Variants in ZNG1A observed in about 807,000 individuals in gnomAD.
ZNG1A encodes the protein zinc-regulated GTPase metalloprotein activator 1A.
the ZNG1A span, chr9:149,186 C>T: frequency 6.6e-6 from 1 of 151,746 alleles, no homozygotes; most frequent in African/African-American, 2.4e-5. Flanking sequence ...AGATTAGCCT[C>T]ACATTGAATC....
the ZNG1A span, among the ~76,000 whole-genome samples, chr9:155,358 G>C: frequency 6.6e-6 from 1 of 151,240 alleles, no homozygotes; most frequent in East Asian, 1.9e-4. Flanking sequence ...AGGCTGAGGA[G>C]GGAGGATCCC....
chr9:177,568 G>A, the ZNG1A span, among the ~76,000 whole-genome samples: 4 of 152,134 alleles, frequency 2.6e-5, no homozygotes, highest in Non-Finnish European at 5.9e-5. Context: ...AAAATCAGAA[G>A]AAAAATGTAG....
At chr9:138,743 T>A in the ZNG1A span, among the ~76,000 whole-genome samples, 2 of 129,972 alleles carry the variant, frequency 1.5e-5, no homozygotes, top group East Asian at 2.1e-4. Flanking sequence ...TACAGAAAAT[T>A]AAAAAAAAAA....
the ZNG1A span, among the ~76,000 whole-genome samples, chr9:144,707 A>C: frequency 4.6e-5 from 7 of 151,914 alleles, no homozygotes; most frequent in Non-Finnish European, 7.4e-5. Flanking sequence ...GGATCTAATT[A>C]AACTAAACAG....
the ZNG1A span, among the ~76,000 whole-genome samples, chr9:128,082 T>C: frequency 2.0e-5 from 3 of 152,150 alleles, no homozygotes; most frequent in East Asian, 3.9e-4. Flanking sequence ...AGTTTTCCTT[T>C]ACAGGTTACC....
chr9:162,491 A>T, the ZNG1A span: 1 of 1,556,856 alleles, frequency 6.4e-7, no homozygotes, highest in Non-Finnish European at 8.7e-7. Flanking sequence ...AAAACATTTT[A>T]ATCACTTTTT....
chr9:154,600 G>A, the ZNG1A span: 402 of 763,760 alleles, frequency 5.3e-4, 4 homozygotes, highest in South Asian at 6.1e-3. Context: ...CGTTCTTGAA[G>A]CAGCTCAACC....
the ZNG1A span, chr9:172,373 G>C: frequency 5.4e-6 from 3 of 552,688 alleles, no homozygotes; most frequent in Non-Finnish European, 9.6e-6. Context: ...TATATAATAG[G>C]TAAAAAGAAA....
chr9:177,339 G>A, the ZNG1A span, among the ~76,000 whole-genome samples: 6 of 151,744 alleles, frequency 4.0e-5, no homozygotes, highest in Middle Eastern at 3.4e-3. Context: ...TAAATTAAAG[G>A]GCAGCAAGAC....
chr9:171,870 T>C, the ZNG1A span: 2 of 625,640 alleles, frequency 3.2e-6, no homozygotes, highest in Non-Finnish European at 2.8e-6. Flanking sequence ...CAAATTCTAT[T>C]AACAGCTTAA....
the ZNG1A span, chr9:152,209 T>C: frequency 2.8e-6 from 1 of 358,654 alleles, no homozygotes; most frequent in Non-Finnish European, 5.1e-6. Context: ...CAGAAAAAAA[T>C]TAAAAACAGA....
chr9:133,757 G>A, the ZNG1A span, among the ~76,000 whole-genome samples: 3 of 147,704 alleles, frequency 2.0e-5, no homozygotes, highest in African/African-American at 5.0e-5. Flanking sequence ...GAGAAACGCA[G>A]CTTTTCATTC....
the ZNG1A span, among the ~76,000 whole-genome samples, chr9:159,534 T>C: frequency 6.6e-6 from 1 of 152,234 alleles, no homozygotes; most frequent in Non-Finnish European, 1.5e-5. Flanking sequence ...CTTAAATATA[T>C]ATAATTTTTA....
chr9:127,119 A>C, the ZNG1A span, among the ~76,000 whole-genome samples: 32 of 152,224 alleles, frequency 2.1e-4, no homozygotes, highest in Non-Finnish European at 3.7e-4. Context: ...ATCTTACAGA[A>C]AGTTCATGTG....
chr9:159,924 T>C, the ZNG1A span: 2 of 366,306 alleles, frequency 5.5e-6, no homozygotes, highest in East Asian at 1.5e-4. Flanking sequence ...TTTTCCAAGC[T>C]AACTGTTTTC....
chr9:143,087 A>G, the ZNG1A span, among the ~76,000 whole-genome samples: 139 of 144,532 alleles, frequency 9.6e-4, 2 homozygotes, highest in African/African-American at 3.3e-3. Flanking sequence ...AGGACCAGAT[A>G]GATTCACAGC....
At chr9:177,627 G>A in the ZNG1A span, 1 of 1,506,322 alleles carries the variant, frequency 6.6e-7, no homozygotes, top group South Asian at 1.2e-5. Context: ...GTCAGGGATA[G>A]GAGTGAAACT....
the ZNG1A span, among the ~76,000 whole-genome samples, chr9:129,672 A>C: frequency 1.4e-5 from 2 of 141,282 alleles, no homozygotes. Flanking sequence ...GGGAGACGAA[A>C]ATTGGGGGGG....
chr9:163,811 G>C, the ZNG1A span, among the ~76,000 whole-genome samples: 2 of 151,702 alleles, frequency 1.3e-5, no homozygotes, highest in African/African-American at 4.8e-5. Flanking sequence ...CAGCTACTCG[G>C]GAGGCTGAGG....
Sources: gnomAD v4.1 joint callset for allele counts (sites outside exome capture counted in the v4.1 genomes callset) on GRCh38, gnomAD v4.1.1 for gene constraint, MANE v1.5 for transcripts, NCBI Gene and HGNC (gene_info 2026-07-23, HGNC 2026-07-21) for gene names.